The following REELD1 variants were observed in gnomAD, a reference collection of about 807,000 sequenced individuals.
The protein encoded by REELD1 is reeler domain containing 1.
Under a neutral mutation model 6.3 loss-of-function variants are expected in REELD1, and 12 were observed. The observed-to-expected ratio is 1.89, with a 90% CI of 1.21 to 3.07. The LOEUF (loss-of-function observed/expected upper bound fraction) is 3.07, where lower values mean the gene tolerates loss of function less well. REELD1 is among the 30% of genes most tolerant of loss of function. The pLI, the probability that REELD1 is intolerant of heterozygous loss-of-function variation, is 0.00. For synonymous variants in REELD1, 57 were observed against 33.6 expected, an observed-to-expected ratio of 1.70 and a Z score of -2.42; for missense variants, 163 against 86.8, an observed-to-expected ratio of 1.88 and a Z score of -3.49.
chr4:146,217,748 C>T (rs1730851899), intron 3 of REELD1, among the ~76,000 whole-genome samples: 1 of 152,164 alleles, frequency 6.6e-6, no homozygotes, highest in African/African-American at 2.4e-5. Flanking sequence ...GAACAACCTT[C>T]ATGTATCATC....
At position 146,230,470 on chromosome 4, in the gene REELD1, A is replaced by G; in HGVS notation, c.1538A>G (p.Asn513Ser). ...NSFVLVQAEYNWITPSVGSKK... is the reference protein window; with the variant it reads ...NSFVLVQAEYSWITPSVGSKK... ...TTTGTTTTGGTTCAAGCAGAGTACA[A>G]CTGGATCACTCCTTCTGTGGGTAGC... is the stretch of plus-strand genomic sequence containing the variant. Residue 513 changes from asparagine to serine, a missense_variant, in exon 8 of 8, where the codon AAC becomes AGC. Transcript: ENST00000623665. 1 of 398,684 alleles carries G rather than the reference A, an allele frequency of 2.5e-6. No individual in the cohort carries two copies. The highest frequency in any genetic ancestry group is 4.4e-6 in the Non-Finnish European group (1 of 226,100). 24.7% of individuals were successfully genotyped at this position (398,684 alleles called of 1,614,324 possible). A position where few individuals can be genotyped will look rare whatever the true frequency, so the allele number is the denominator to read the frequency against.
intron 5 of REELD1, among the ~76,000 whole-genome samples, chr4:146,225,497 C>T (rs939866224): frequency 6.6e-6 from 1 of 152,204 alleles, no homozygotes; most frequent in Non-Finnish European, 1.5e-5. Flanking sequence ...CCTCCATTCT[C>T]TGCCTTTGCC....
chr4:146,223,269 T>C (rs536687870), intron 4 of REELD1, among the ~76,000 whole-genome samples: 1 of 152,274 alleles, frequency 6.6e-6, no homozygotes, highest in South Asian at 2.1e-4. Flanking sequence ...GCAGAGGTAG[T>C]CCAGCTCACA....
chr4:146,227,445 C>T (rs1456224873), intron 5 of REELD1, among the ~76,000 whole-genome samples: 2 of 152,226 alleles, frequency 1.3e-5, no homozygotes, highest in East Asian at 1.9e-4. Context: ...GTGGTAAACC[C>T]TCTGTGCATG....
chr4:146,230,552 G>T lies in REELD1; in HGVS notation c.*39G>T. On this transcript the variant is annotated 3_prime_UTR_variant, in exon 8 of 8. Transcript: ENST00000623665. ...CCAGACCTCTCAGTGGCCCTCCTTG[G>T]GCCCTGGAGAGTGTCCCAGACAGAG... 1 of 398,380 alleles carries T rather than the reference G, an allele frequency of 2.5e-6. No individual in the cohort carries two copies. Among genetic ancestry groups the T allele is most frequent in the South Asian group, 1.3e-4 (1 of 7,662 alleles). The allele number at this position is 398,380 out of a possible 1,614,324, so 24.7% of individuals were successfully genotyped here.
intron 3 of REELD1, among the ~76,000 whole-genome samples, chr4:146,221,740 T>C (rs1730926136): frequency 6.6e-6 from 1 of 152,086 alleles, no homozygotes; most frequent in East Asian, 1.9e-4. Flanking sequence ...GTGCCTGTAC[T>C]CCCAGCTACT....
At chr4:146,218,810 T>C (rs1454005039) in intron 3 of REELD1, among the ~76,000 whole-genome samples, 1 of 152,128 alleles carries the variant, frequency 6.6e-6, no homozygotes, top group Non-Finnish European at 1.5e-5. Context: ...GGTATGTCAG[T>C]ATCCTAGTGT....
At chr4:146,221,867 A>C (rs1161888006) in intron 3 of REELD1, among the ~76,000 whole-genome samples, 1 of 152,194 alleles carries the variant, frequency 6.6e-6, no homozygotes, top group Non-Finnish European at 1.5e-5. Context: ...CAAAAAAAAA[A>C]AATTATTACT....
chr4:146,231,278 T>C lies in REELD1; in HGVS notation c.*765T>C, dbSNP rs986918455. 6.6e-6 allele frequency among the ~76,000 whole-genome samples: 1 copy of C among 152,232 alleles called. No homozygotes were observed. Among genetic ancestry groups the C allele is most frequent in the African/African-American group, 2.4e-5 (1 of 41,458 alleles). ...CATTTACACTTGATGGAAACATTCGTGTATCCCAACAGCTAGCAGACATAG... is the reference window on the plus strand; with the variant it reads ...CATTTACACTTGATGGAAACATTCGCGTATCCCAACAGCTAGCAGACATAG... On this transcript the variant is annotated 3_prime_UTR_variant, in exon 8 of 8. Transcript: ENST00000623665.
Position 146,230,331 on chromosome 4 carries a change from A to T in REELD1, c.1399A>T (p.Thr467Ser). 5.0e-6 allele frequency: 2 copies of T among 398,902 alleles called. No homozygotes were observed. The highest frequency in any genetic ancestry group is 8.8e-6 in the Non-Finnish European group (2 of 226,296). 24.7% of individuals were successfully genotyped at this position (398,902 alleles called of 1,614,324 possible). Reference protein sequence around the residue: ...ALAAGLRYLHTQYCHQQTEVS... With the variant: ...ALAAGLRYLHSQYCHQQTEVS... ...GGCCGCTGGCCTTCGCTACCTGCAC[A>T]CCCAGTATTGCCACCAGCAGACAGA... Residue 467 changes from threonine to serine, a missense_variant, in exon 8 of 8, where the codon ACC becomes TCC. Coordinates refer to ENST00000623665, the MANE Select transcript of REELD1 (RefSeq NM_001354631.1).
rs578154008 is a variant in REELD1 at position 146,223,678 on chromosome 4, G to A, written c.432-767G>A. ...GAAAAAACGAGGTAAGTCACTTGAT[G>A]AGACACCTGTCCCAAGTCACCCTGT... On this transcript the variant is annotated intron_variant, in intron 4 of 7. Transcript: ENST00000623665. Among the ~76,000 whole-genome samples, 5 of 152,334 alleles carry A rather than the reference G, an allele frequency of 3.3e-5. No individual in the cohort carries two copies. In the East Asian group the frequency reaches 9.6e-4, roughly 29 times the overall value.
At chr4:146,227,073 T>G (rs987692611) in intron 5 of REELD1, among the ~76,000 whole-genome samples, 4 of 152,228 alleles carry the variant, frequency 2.6e-5, no homozygotes, top group Non-Finnish European at 5.9e-5. Context: ...GGCCTCTTTA[T>G]TAATTTAGGT....
intron 2 of REELD1, among the ~76,000 whole-genome samples, chr4:146,215,987 G>A (rs189273110): frequency 1.3e-5 from 2 of 152,132 alleles, no homozygotes; most frequent in African/African-American, 4.8e-5. Context: ...CTGTGCTCAC[G>A]CAATCCACCT....
chr4:146,226,538 C>T (rs1251372290), intron 5 of REELD1, among the ~76,000 whole-genome samples: 3 of 152,116 alleles, frequency 2.0e-5, no homozygotes, highest in South Asian at 2.1e-4. Context: ...AACAATGGTG[C>T]GTTCTTGCTG....
At chr4:146,221,332 A>AG (rs1380805857) in intron 3 of REELD1, among the ~76,000 whole-genome samples, 1 of 152,116 alleles carries the variant, frequency 6.6e-6, no homozygotes, top group African/African-American at 2.4e-5. Context: ...TTTACTTACT[A>AG]TGTTTTCAGG....
At chr4:146,216,877 G>A (rs979051094) in intron 2 of REELD1, 65 bp from the exon 3 acceptor site, 2 of 397,792 alleles carry the variant, frequency 5.0e-6, no homozygotes, top group African/African-American at 2.1e-5. Flanking sequence ...GTCACATCCC[G>A]AGAAGACTTT....
rs1258335028 is a variant in REELD1 at position 146,228,370 on chromosome 4, C to T, written c.756C>T (p.His252=). Residue 252 remains histidine, a synonymous_variant, in exon 6 of 8, where the codon CAC becomes CAT. Coordinates refer to ENST00000623665, the MANE Select transcript of REELD1 (RefSeq NM_001354631.1). The stretch of plus-strand genomic sequence containing the variant: ...AGACTCTGTCCCAACCATCTTCACA[C>T]ACAGCCACTGAAGGCAGCATCAACC... The part of the protein sequence containing the change: ...DAETLSQPSS[H]TATEGSINQQ... 5.7e-6 allele frequency: 4 copies of T among 702,456 alleles called. No homozygotes were observed. Among genetic ancestry groups the T allele is most frequent in the Non-Finnish European group, 7.8e-6 (3 of 385,008 alleles). The allele number at this position is 702,456 out of a possible 1,614,324, so 43.5% of individuals were successfully genotyped here. A position where few individuals can be genotyped will look rare whatever the true frequency, so the allele number is the denominator to read the frequency against.
At chr4:146,215,431 C>A (rs939074231) in intron 2 of REELD1, among the ~76,000 whole-genome samples, 1 of 152,166 alleles carries the variant, frequency 6.6e-6, no homozygotes, top group Admixed American at 6.5e-5. Flanking sequence ...GTCTGAAGGA[C>A]TCTTATGTCT....
intron 3 of REELD1, among the ~76,000 whole-genome samples, chr4:146,222,021 C>G (rs148556657): frequency 1.3e-5 from 2 of 151,798 alleles, no homozygotes; most frequent in Admixed American, 1.3e-4. Context: ...ATCATCTGTC[C>G]AGGGTTCACC....
Sources: gnomAD v4.1 joint callset for allele counts (sites outside exome capture counted in the v4.1 genomes callset) on GRCh38, gnomAD v4.1.1 for gene constraint, MANE v1.5 for transcripts, NCBI Gene and HGNC (gene_info 2026-07-23, HGNC 2026-07-21) for gene names.